GNG2: variants seen among roughly 807,000 people sequenced by gnomAD.
GNG2 encodes the protein G protein subunit gamma 2.
In GNG2, 5 loss-of-function variants were observed where a neutral mutation model predicts 5.5. The ratio of observed to expected loss-of-function variants is 0.91; its 90% CI spans 0.48 to 1.92. The LOEUF (loss-of-function observed/expected upper bound fraction) is 1.92, where lower values mean the gene tolerates loss of function less well. Ranked by LOEUF, GNG2 falls within the 30% of genes most tolerant of loss-of-function variation. The pLI, the probability that GNG2 is intolerant of heterozygous loss-of-function variation, is 0.01. For missense variants in GNG2, 55 were observed against 88.4 expected (o/e 0.62, Z 1.52); for synonymous variants, 28 against 32.0 (o/e 0.88, Z 0.42).
chr14:51,852,963 C>T (rs369635261), intron 2 of GNG2, among the ~76,000 whole-genome samples: 180 of 152,218 alleles, frequency 1.2e-3, no homozygotes, highest in African/African-American at 4.0e-3. Flanking sequence ...ATTACTTGGT[C>T]GGTAACTTCA....
intron 2 of GNG2, among the ~76,000 whole-genome samples, chr14:51,929,722 G>A (rs907812806): frequency 5.3e-5 from 8 of 152,228 alleles, no homozygotes; most frequent in East Asian, 1.9e-4. Flanking sequence ...AACTGAATCC[G>A]TTTGCCACAG....
At chr14:51,966,021 C>T (rs1014877995) in intron 3 of GNG2, among the ~76,000 whole-genome samples, 3 of 151,564 alleles carry the variant, frequency 2.0e-5, no homozygotes, top group Non-Finnish European at 4.4e-5. Flanking sequence ...CCAGCCTGGC[C>T]AACGTGGTGA....
chr14:51,957,097 T>C (rs1889319209), intron 3 of GNG2, among the ~76,000 whole-genome samples: 1 of 147,916 alleles, frequency 6.8e-6, no homozygotes, highest in Non-Finnish European at 1.5e-5. Context: ...ATTTCAGCAA[T>C]TGCTAATCTG....
At chr14:51,931,110 A>C (rs1887634597) in intron 2 of GNG2, among the ~76,000 whole-genome samples, 1 of 152,182 alleles carries the variant, frequency 6.6e-6, no homozygotes, top group Non-Finnish European at 1.5e-5. Flanking sequence ...AAACAAAAAC[A>C]AAAGAACAGG....
chr14:51,914,372 T>G (rs1886480122), intron 2 of GNG2: 1 of 671,802 alleles, frequency 1.5e-6, no homozygotes, highest in African/African-American at 1.8e-5. Flanking sequence ...GCTCCTGCTC[T>G]AATCCTTTCT....
intron 3 of GNG2, among the ~76,000 whole-genome samples, chr14:51,963,373 C>T (rs991426885): frequency 6.6e-5 from 10 of 152,230 alleles, no homozygotes; most frequent in Admixed American, 2.6e-4. Flanking sequence ...TAGGGATGAA[C>T]GGTGCTGCTT....
rs577447310 is a variant in GNG2 at position 51,854,135 on chromosome 14, A to C, written c.64+26328A>C. 1.7e-4 allele frequency among the ~76,000 whole-genome samples: 26 copies of C among 152,212 alleles called. 1 individual carries two copies. In the East Asian group the frequency reaches 4.8e-3, roughly 28 times the overall value. Reference sequence around the variant, plus strand: ...GTGATCTGCCTGCCTTGGCCTCCCAAAGTGCTGGGATTACAGACGTGAGCC... The same window carrying C: ...GTGATCTGCCTGCCTTGGCCTCCCACAGTGCTGGGATTACAGACGTGAGCC... On this transcript the variant is annotated intron_variant, in intron 2 of 3. Coordinates refer to the GNG2 transcript ENST00000553432.
chr14:51,927,904 A>C (rs1481361675), intron 2 of GNG2, among the ~76,000 whole-genome samples: 1 of 152,126 alleles, frequency 6.6e-6, no homozygotes, highest in Non-Finnish European at 1.5e-5. Context: ...AGAAGAAAAC[A>C]TGAGCTGATC....
Position 51,914,982 on chromosome 14 carries a change from A to G in GNG2, c.-29-35668A>G, listed in dbSNP as rs1296426540. Among the ~76,000 whole-genome samples the G allele has an allele frequency of 3.3e-5, 5 of 152,228 alleles. No individual in the cohort carries two copies. The South Asian group carries it at 6.2e-4, about 19-fold the overall frequency. On this transcript the variant is annotated intron_variant, in intron 2 of 3. Transcript: ENST00000556766. The stretch of plus-strand genomic sequence containing the variant: ...GCAAGGCCAAAAAGCCTGTCACTCC[A>G]TGACTGCTTGCTTGAGTTTAAAAGT...
At chr14:51,866,944 A>C in intron 1 of GNG2, among the ~76,000 whole-genome samples, 1 of 152,178 alleles carries the variant, frequency 6.6e-6, no homozygotes, top group East Asian at 1.9e-4. Context: ...TGGACTCTCT[A>C]TCCCATTCCC....
intron 2 of GNG2, among the ~76,000 whole-genome samples, chr14:51,934,383 C>T (rs1887845438): frequency 6.6e-6 from 1 of 152,296 alleles, no homozygotes; most frequent in South Asian, 2.1e-4. Flanking sequence ...TTTCCTTGTA[C>T]ATTTCATTTT....
chr14:51,836,169 T>A (rs756250517), intron 2 of GNG2, among the ~76,000 whole-genome samples: 1 of 151,958 alleles, frequency 6.6e-6, no homozygotes, highest in Non-Finnish European at 1.5e-5. Flanking sequence ...CTGTCTCTTA[T>A]AAGGGCATGA....
chr14:51,827,525 T>C, intron 1 of GNG2: 1 of 565,744 alleles, frequency 1.8e-6, no homozygotes, highest in Non-Finnish European at 3.1e-6. Flanking sequence ...AGAACAGATG[T>C]AGTGAGAAAG....
chr14:51,860,844 G>A (rs1460116942), intron 1 of GNG2, 54 bp downstream of exon 1: 1 of 152,196 alleles, frequency 6.6e-6, no homozygotes, highest in African/African-American at 2.4e-5. Context: ...AACGACCGTC[G>A]CTTGTGGTTT....
intron 2 of GNG2, among the ~76,000 whole-genome samples, chr14:51,914,476 A>AT (rs1886489692): frequency 1.5e-4 from 23 of 152,352 alleles, no homozygotes; most frequent in Admixed American, 1.2e-3. Flanking sequence ...TTGGTAAATC[A>AT]TCTTGGGTGT....
chr14:51,920,270 G>C (rs953332530), intron 2 of GNG2, among the ~76,000 whole-genome samples: 2 of 152,018 alleles, frequency 1.3e-5, no homozygotes, highest in African/African-American at 4.8e-5. Context: ...AAGATATCAA[G>C]GGACAACGGT....
chr14:51,929,515 G>A (rs6572802), intron 2 of GNG2, among the ~76,000 whole-genome samples: 11,656 of 152,204 alleles, frequency 0.077, 786 homozygotes, highest in East Asian at 0.32. Context: ...CTCCAAGCAA[G>A]GCCCAAGGTA....
At chr14:51,963,261 G>T (rs963137176) in intron 3 of GNG2, among the ~76,000 whole-genome samples, 5 of 152,300 alleles carry the variant, frequency 3.3e-5, no homozygotes, top group African/African-American at 1.2e-4. Context: ...AAAGATATGA[G>T]CAGCTCTAAG....
chr14:51,949,578 C>T (rs1454558433), intron 2 of GNG2, among the ~76,000 whole-genome samples: 3 of 151,966 alleles, frequency 2.0e-5, no homozygotes, highest in Non-Finnish European at 2.9e-5. Context: ...TTAGTGTTGA[C>T]GAGGCAGTGT....
Sources: allele counts gnomAD v4.1 joint callset (sites outside exome capture counted in the v4.1 genomes callset), GRCh38; gene constraint gnomAD v4.1.1; transcripts MANE v1.5; gene names NCBI Gene and HGNC (gene_info 2026-07-23, HGNC 2026-07-21).